The following SLX4IP variants were observed in gnomAD, a reference collection of about 807,000 sequenced individuals.
SLX4IP encodes the protein protein SLX4IP.
In SLX4IP, 34 loss-of-function variants were observed where a neutral mutation model predicts 32.9. The observed-to-expected ratio is 1.03, with a 90% confidence interval of 0.79 to 1.38. The LOEUF is 1.38. SLX4IP is among the 40% of genes most tolerant of loss of function. The probability of loss-of-function intolerance (pLI) is 0.00; values close to 1 mark genes in which losing one functional copy is unlikely to be tolerated. For missense variants in SLX4IP, 444 were observed against 479.0 expected (o/e 0.93, Z 0.68); for synonymous variants, 172 against 171.7 (o/e 1.00, Z -0.01).
At chr20:10,444,390 T>C (rs564293107) in intron 1 of SLX4IP, among the ~76,000 whole-genome samples, 13 of 152,234 alleles carry the variant, frequency 8.5e-5, no homozygotes, top group African/African-American at 3.1e-4. Context: ...TTCTTTCTTT[T>C]TTTTTGAGCT....
intron 2 of SLX4IP, among the ~76,000 whole-genome samples, chr20:10,535,888 C>T (rs1418650796): frequency 6.6e-6 from 1 of 152,150 alleles, no homozygotes; most frequent in Non-Finnish European, 1.5e-5. Flanking sequence ...AGATCAAATG[C>T]TTTCAAAGGG....
intron 2 of SLX4IP, among the ~76,000 whole-genome samples, chr20:10,496,667 C>CAA (rs146245596): frequency 2.5e-4 from 37 of 145,308 alleles, no homozygotes; most frequent in Non-Finnish European, 3.9e-4. Flanking sequence ...GCCAAATGGA[C>CAA]AAAAAAAAAA....
chr20:10,612,575 C>T (rs760782227), intron 6 of SLX4IP, among the ~76,000 whole-genome samples: 4 of 152,142 alleles, frequency 2.6e-5, no homozygotes, highest in Non-Finnish European at 5.9e-5. Flanking sequence ...GATGCAGTTT[C>T]GCTCCTGTTG....
chr20:10,549,957 A>G (rs1340404585), intron 2 of SLX4IP, among the ~76,000 whole-genome samples: 1 of 152,218 alleles, frequency 6.6e-6, no homozygotes, highest in Non-Finnish European at 1.5e-5. Flanking sequence ...GTTTTCTAGA[A>G]CTTTTTTGTA....
At chr20:10,622,029 G>C (rs2067116927) in intron 7 of SLX4IP, among the ~76,000 whole-genome samples, 2 of 152,124 alleles carry the variant, frequency 1.3e-5, no homozygotes, top group African/African-American at 4.8e-5. Flanking sequence ...GGAGCAAGGG[G>C]CTTATATACA....
chr20:10,473,886 G>C (rs1268446474), intron 2 of SLX4IP, among the ~76,000 whole-genome samples: 1 of 150,680 alleles, frequency 6.6e-6, no homozygotes, highest in Non-Finnish European at 1.5e-5. Context: ...GTGGTGGCGT[G>C]ATCTTGGCTC....
chr20:10,557,738 TCCGTTTTG>T (rs2066282472), intron 3 of SLX4IP, among the ~76,000 whole-genome samples: 2 of 152,206 alleles, frequency 1.3e-5, no homozygotes. Flanking sequence ...TAATATTGAG[TCCGTTTTG>T]CCCAAGATTC....
intron 2 of SLX4IP, among the ~76,000 whole-genome samples, chr20:10,497,563 A>G (rs545363561): frequency 2.6e-4 from 39 of 152,016 alleles, no homozygotes; most frequent in African/African-American, 8.9e-4. Context: ...TTTCTGCCCT[A>G]TTACTTGTGT....
intron 2 of SLX4IP, among the ~76,000 whole-genome samples, chr20:10,482,838 C>A (rs2065535903): frequency 6.6e-6 from 1 of 152,120 alleles, no homozygotes; most frequent in Non-Finnish European, 1.5e-5. Context: ...AGACTGGAAA[C>A]TTAAAACAGG....
At chr20:10,451,559 T>C (rs1002689344) in intron 1 of SLX4IP, among the ~76,000 whole-genome samples, 1 of 152,180 alleles carries the variant, frequency 6.6e-6, no homozygotes. Context: ...CCAGTCCAAA[T>C]TGAGATGTCC....
chr20:10,436,762 T>G (rs1163187691), intron 1 of SLX4IP, among the ~76,000 whole-genome samples: 2 of 152,194 alleles, frequency 1.3e-5, no homozygotes, highest in Non-Finnish European at 2.9e-5. Flanking sequence ...TTTTCTGTGC[T>G]TTTAGTTCAT....
At chr20:10,485,523 A>G (rs2065564300) in intron 2 of SLX4IP, among the ~76,000 whole-genome samples, 1 of 152,084 alleles carries the variant, frequency 6.6e-6, no homozygotes, top group African/African-American at 2.4e-5. Context: ...AGACTGAGGC[A>G]GGAGAATCGC....
intron 2 of SLX4IP, among the ~76,000 whole-genome samples, chr20:10,541,517 G>A (rs1023528015): frequency 6.6e-5 from 10 of 152,178 alleles, no homozygotes; most frequent in Non-Finnish European, 1.0e-4. Context: ...TAAATTAACT[G>A]CTTATTAACC....
chr20:10,550,828 C>T (rs1418210341), intron 2 of SLX4IP, among the ~76,000 whole-genome samples: 1 of 152,242 alleles, frequency 6.6e-6, no homozygotes, highest in Non-Finnish European at 1.5e-5. Context: ...TTGACTGCGA[C>T]ACCACCTCCC....
intron 6 of SLX4IP, among the ~76,000 whole-genome samples, chr20:10,608,661 A>C (rs2066931985): frequency 6.8e-6 from 1 of 147,372 alleles, no homozygotes. Context: ...GTGACAGAGC[A>C]ATACTCTGTC....
intron 4 of SLX4IP, among the ~76,000 whole-genome samples, chr20:10,587,527 C>A (rs1271998577): frequency 6.6e-6 from 1 of 151,978 alleles, no homozygotes; most frequent in African/African-American, 2.4e-5. Flanking sequence ...GAAGAAAAGT[C>A]CCTTTTTTGG....
chr20:10,569,987 C>T (rs1393820665), intron 4 of SLX4IP, among the ~76,000 whole-genome samples: 1 of 152,168 alleles, frequency 6.6e-6, no homozygotes, highest in African/African-American at 2.4e-5. Flanking sequence ...GTGCACAGCT[C>T]ACCCCATAAC....
intron 4 of SLX4IP, among the ~76,000 whole-genome samples, chr20:10,561,286 T>G (rs953808604): frequency 3.3e-5 from 5 of 152,046 alleles, no homozygotes; most frequent in African/African-American, 1.2e-4. Context: ...TAAATTAATG[T>G]TAACCATATT....
At chr20:10,592,125 G>C (rs1486184898) in intron 4 of SLX4IP, among the ~76,000 whole-genome samples, 1 of 152,126 alleles carries the variant, frequency 6.6e-6, no homozygotes. Flanking sequence ...GTCTAGTACT[G>C]TCCTTATTTA....
Sources: allele counts gnomAD v4.1 joint callset (sites outside exome capture counted in the v4.1 genomes callset), GRCh38; gene constraint gnomAD v4.1.1; transcripts MANE v1.5; gene names NCBI Gene and HGNC (gene_info 2026-07-23, HGNC 2026-07-21).